IL27RA: variants seen among roughly 807,000 people sequenced by gnomAD.
IL27RA encodes interleukin-27 receptor subunit alpha.
Under a neutral mutation model 80.8 loss-of-function variants are expected in IL27RA, and 61 were observed. The observed-to-expected ratio is 0.76, with a 90% CI of 0.61 to 0.93. The LOEUF (loss-of-function observed/expected upper bound fraction) is 0.93. Ranked by LOEUF, IL27RA falls within the 40% of genes least tolerant of loss-of-function variation. The pLI, the probability that IL27RA is intolerant of heterozygous loss-of-function variation, is 0.00. For synonymous variants in IL27RA, 316 were observed against 332.5 expected, an observed-to-expected ratio of 0.95 and a Z score of 0.54; for missense variants, 735 against 808.1, an observed-to-expected ratio of 0.91 and a Z score of 1.10.
chr19:14,037,252 A>G (rs766229308), intron 2 of IL27RA, among the ~76,000 whole-genome samples: 1 of 149,472 alleles, frequency 6.7e-6, no homozygotes, highest in South Asian at 2.1e-4. Flanking sequence ...CCTTATTTAT[A>G]TATTTATTTT....
intron 4 of IL27RA, among the ~76,000 whole-genome samples, chr19:14,041,064 C>A (rs551352033): frequency 2.3e-4 from 35 of 151,908 alleles, no homozygotes; most frequent in Non-Finnish European, 2.4e-4. Flanking sequence ...CCATCATGCC[C>A]GGCTCATTTT....
intron 2 of IL27RA, among the ~76,000 whole-genome samples, chr19:14,034,425 C>T (rs532717265): frequency 2.0e-4 from 31 of 152,044 alleles, no homozygotes; most frequent in Admixed American, 2.0e-3. Context: ...TTTGGGAGGC[C>T]GAGACAGGCA....
intron 6 of IL27RA, among the ~76,000 whole-genome samples, chr19:14,045,355 C>T (rs1235426848): frequency 1.3e-5 from 2 of 149,530 alleles, no homozygotes; most frequent in East Asian, 2.0e-4. Flanking sequence ...TTTGGGAGGC[C>T]GAGACGGGCG....
At chr19:14,045,806 C>G (rs1285095018) in intron 6 of IL27RA, among the ~76,000 whole-genome samples, 1 of 151,706 alleles carries the variant, frequency 6.6e-6, no homozygotes, top group African/African-American at 2.4e-5. Flanking sequence ...AGGCAGATCA[C>G]TTGAGGTCAG....
chr19:14,047,358 C>CTT lies in IL27RA; in HGVS notation c.1141+753_1141+754dup, dbSNP rs146646872. On this transcript the variant is annotated intron_variant, in intron 8 of 13. Transcript: ENST00000263379. ...AGCCACTATGCCCAGCCTAACTTTTCTTTTTTTTTTTTTTGAGATGGAGGC... is the reference window on the plus strand; with the variant it reads ...AGCCACTATGCCCAGCCTAACTTTTCTTTTTTTTTTTTTTTTGAGATGGAGGC... Among the ~76,000 whole-genome samples the CTT allele has an allele frequency of 8.2e-4, 107 of 129,720 alleles. 2 individuals are homozygous for CTT. Among genetic ancestry groups the CTT allele is most frequent in the African/African-American group, 2.1e-3 (74 of 35,634 alleles). The allele number at this position is 129,720 out of a possible 152,430, so 85.1% of individuals were successfully genotyped here.
chr19:14,034,433 G>A (rs900150965), intron 2 of IL27RA, among the ~76,000 whole-genome samples: 1 of 151,038 alleles, frequency 6.6e-6, no homozygotes, highest in Non-Finnish European at 1.5e-5. Context: ...GCCGAGACAG[G>A]CAGATCACCT....
chr19:14,039,999 T>C, intron 4 of IL27RA, 89 bp downstream of exon 4: 1 of 1,320,868 alleles, frequency 7.6e-7, no homozygotes, highest in South Asian at 1.3e-5. Flanking sequence ...CAGGACTCAT[T>C]CTGTGCCTGC....
chr19:14,051,983 A>G lies in IL27RA; in HGVS notation c.1716+10A>G. ...CCAGCCCCACATGGAGGTGAGTCAA[A>G]GGGCCGGCTAGTCGGAGCCCTCTGG... On this transcript the variant is annotated intron_variant, in intron 13 of 13. Transcript: ENST00000263379. 1.9e-6 allele frequency: 3 copies of G among 1,567,332 alleles called. No individual in the cohort carries two copies. The highest frequency in any genetic ancestry group is 2.6e-6 in the Non-Finnish European group (3 of 1,155,818).
chr19:14,032,024 G>A, intron 1 of IL27RA, 52 bp downstream of exon 1: 1 of 1,467,896 alleles, frequency 6.8e-7, no homozygotes, highest in Admixed American at 1.9e-5. Context: ...CGCTCCCCGC[G>A]AAGGCGCCAG....
At position 14,049,166 on chromosome 19, in the gene IL27RA, G is replaced by A. The variant is rs1447755487; in HGVS notation, c.1254G>A (p.Val418=). 3 of 1,613,840 alleles carry A rather than the reference G, an allele frequency of 1.9e-6. No individual in the cohort carries two copies. The highest frequency in any genetic ancestry group is 2.5e-6 in the Non-Finnish European group (3 of 1,179,906). The change falls in exon 10 of 14, where the codon GTG becomes GTA. Residue 418 remains valine (V), a synonymous_variant. Coordinates refer to ENST00000263379, the MANE Select transcript of IL27RA (RefSeq NM_004843.4). The stretch of plus-strand genomic sequence containing the variant: ...TGCCTTCCTCCCCAGCACCCCTAGT[G>A]GGGCCAACGCTTTGGCGACTCCAAG... ...WGFREELAPL[V]GPTLWRLQDA...
At position 14,052,098 on chromosome 19, in the gene IL27RA, A is replaced by T. The variant is rs146790351; in HGVS notation, c.1719A>T (p.Gln573His). ...ATTACAGGCTCATCTCTTCCCAGCA[A>T]GTACCTGAGGCCCAGCCCCTTGGGG... Reference protein sequence around the residue: ...NSSSGQPHMEQVPEAQPLGDL... With the variant: ...NSSSGQPHMEHVPEAQPLGDL... The change falls in exon 14 of 14, where the codon CAA becomes CAT. Residue 573 changes from glutamine to histidine, a missense_variant and splice_region_variant. Gln to His is a conservative substitution (Grantham distance 24, BLOSUM62 0). Coordinates refer to ENST00000263379, the MANE Select transcript of IL27RA (RefSeq NM_004843.4). The T allele has an allele frequency of 1.2e-6, 2 of 1,612,706 alleles. No homozygotes were observed. Among genetic ancestry groups the T allele is most frequent in the Non-Finnish European group, 1.7e-6 (2 of 1,179,620 alleles).
Position 14,034,110 on chromosome 19 carries a change from T to G in IL27RA, c.218+1607T>G, listed in dbSNP as rs59886765. ...CCTGGTTTTTATTGCTGTGTGACAT[T>G]AGGCAAGTCACTTAACCTCTCTGAG... On this transcript the variant is annotated intron_variant, in intron 2 of 13. Transcript: ENST00000263379. 4.3e-3 allele frequency among the ~76,000 whole-genome samples: 658 copies of G among 152,288 alleles called. 8 individuals carry two copies. Among genetic ancestry groups the G allele is most frequent in the African/African-American group, 0.015 (631 of 41,554 alleles).
rs1244916110 is a variant in IL27RA at position 14,052,349 on chromosome 19, C to T, written c.*59C>T. ...TAGAGGGATGCTCATGCAGGTTGCA[C>T]CCCAGTCCTGGATTAGCCCTCTTGA... is the stretch of plus-strand genomic sequence containing the variant. On this transcript the variant is annotated 3_prime_UTR_variant, in exon 14 of 14. Coordinates refer to ENST00000263379, the MANE Select transcript of IL27RA (RefSeq NM_004843.4). The T allele has an allele frequency of 1.5e-6, 2 of 1,331,628 alleles. No individual in the cohort carries two copies. The highest frequency in any genetic ancestry group is 2.6e-5 in the East Asian group (1 of 38,854). 82.5% of individuals were successfully genotyped at this position (1,331,628 alleles called of 1,614,324 possible). A position where few individuals can be genotyped will look rare whatever the true frequency, so the allele number is the denominator to read the frequency against.
At position 14,042,438 on chromosome 19, in the gene IL27RA, C is replaced by G. The variant is rs753979248; in HGVS notation, c.535-15C>G. Reference sequence around the variant, plus strand: ...CAGGCCCTGGGCCCATCACGCTCGCCTGTCTCTCCCCCAGCTGGAACCGGA... The same window carrying G: ...CAGGCCCTGGGCCCATCACGCTCGCGTGTCTCTCCCCCAGCTGGAACCGGA... On this transcript the variant is annotated splice_polypyrimidine_tract_variant and intron_variant, in intron 4 of 13. Transcript: ENST00000263379. 6.2e-7 allele frequency: 1 copy of G among 1,612,446 alleles called. No individual in the cohort carries two copies. Among genetic ancestry groups the G allele is most frequent in the South Asian group, 1.1e-5 (1 of 91,056 alleles).
intron 10 of IL27RA, 137 bp downstream of exon 10, chr19:14,049,451 C>T: frequency 1.3e-6 from 1 of 746,310 alleles, no homozygotes; most frequent in Non-Finnish European, 2.0e-6. Flanking sequence ...TCTTGGCTAT[C>T]AATGTAACGA....
chr19:14,031,985 G>A lies in IL27RA; in HGVS notation c.100+13G>A, dbSNP rs1267675873. The A allele has an allele frequency of 1.3e-6, 2 of 1,597,888 alleles. No individual in the cohort carries two copies. The highest frequency in any genetic ancestry group is 4.5e-5 in the East Asian group (2 of 44,170). On this transcript the variant is annotated intron_variant, in intron 1 of 13. Transcript: ENST00000263379. ...ACGCGTCCCCAGGGTGAGTGCTGGA[G>A]GGAGCTCGTGTCCCGGGCGCTGCCG...
In IL27RA at chr19:14,039,764, G is replaced by GC; in HGVS notation, c.394dup (p.Arg132ProfsTer5). The GC allele has an allele frequency of 6.2e-7, 1 of 1,613,632 alleles. No individual in the cohort carries two copies. Among genetic ancestry groups the GC allele is most frequent in the Non-Finnish European group, 8.5e-7 (1 of 1,179,758 alleles). Reference sequence around the variant, plus strand: ...TTCCCCTTCCCCAGTGAAGCCAAACGCCCCCCGGCTGGGCCCTGACGTGGA... The same window carrying GC: ...TTCCCCTTCCCCAGTGAAGCCAAACGCCCCCCCGGCTGGGCCCTGACGTGGA... On this transcript the variant is annotated frameshift_variant, in exon 4 of 14. Transcript: ENST00000263379. LOFTEE classifies it high-confidence loss of function.
intron 2 of IL27RA, 79 bp downstream of exon 2, chr19:14,032,582 T>A (rs1975835587): frequency 1.3e-6 from 1 of 769,414 alleles, no homozygotes; most frequent in Admixed American, 2.3e-5. Flanking sequence ...GTTGAAAGGT[T>A]CCAGGAGTCA....
chr19:14,049,014 C>G lies in IL27RA; in HGVS notation c.1175C>G (p.Thr392Ser), dbSNP rs143335480. Residue 392 changes from threonine to serine, a missense_variant, in exon 9 of 14, where the codon ACT becomes AGT. Coordinates refer to ENST00000263379, the MANE Select transcript of IL27RA (RefSeq NM_004843.4). ...ACTGTCGGGGTCCCCTATCGAATCA[C>G]TGTGACCGCAGTCTCTGCTTCAGGC... ...NFTVGVPYRI[T>S]VTAVSASGLA... is the part of the protein sequence containing the mutation. 1.9e-6 allele frequency: 3 copies of G among 1,614,078 alleles called. No homozygotes were observed. The highest frequency in any genetic ancestry group is 2.5e-6 in the Non-Finnish European group (3 of 1,179,980).
Sources: allele counts gnomAD v4.1 joint callset (sites outside exome capture counted in the v4.1 genomes callset), GRCh38; gene constraint gnomAD v4.1.1; transcripts MANE v1.5; gene names NCBI Gene and HGNC (gene_info 2026-07-23, HGNC 2026-07-21).